The following COBL variants were observed in gnomAD, a reference collection of about 807,000 sequenced individuals.
COBL encodes cordon-bleu WH2 repeat protein.
Under a neutral mutation model 98.8 loss-of-function variants are expected in COBL, and 51 were observed. The ratio of observed to expected loss-of-function variants is 0.52; its 90% CI spans 0.41 to 0.65. The LOEUF (loss-of-function observed/expected upper bound fraction) is 0.65, where lower values mean the gene tolerates loss of function less well. COBL is among the 30% of genes least tolerant of loss of function. The pLI is 0.00. For missense variants in COBL, 1,617 were observed against 1,617.5 expected (o/e 1.00, Z 0.01); for synonymous variants, 634 against 651.7 (o/e 0.97, Z 0.41).
intron 6 of COBL, among the ~76,000 whole-genome samples, chr7:51,122,259 G>A (rs1312682387): frequency 6.6e-6 from 1 of 152,194 alleles, no homozygotes; most frequent in East Asian, 1.9e-4. Flanking sequence ...TCCTTTCTCT[G>A]CACACTGGCG....
intron 5 of COBL, among the ~76,000 whole-genome samples, chr7:51,138,012 A>G (rs913608144): frequency 7.9e-5 from 12 of 152,088 alleles, no homozygotes; most frequent in Admixed American, 3.9e-4. Context: ...TGTTTTCCTG[A>G]AAAAAAATTG....
chr7:51,094,904 T>C (rs891928254), intron 6 of COBL, among the ~76,000 whole-genome samples: 6 of 152,198 alleles, frequency 3.9e-5, no homozygotes, highest in African/African-American at 1.2e-4. Flanking sequence ...AAACAGCTTT[T>C]GTATGTTACT....
intron 2 of COBL, among the ~76,000 whole-genome samples, chr7:51,206,694 TAAAAG>T (rs1370261085): frequency 6.6e-6 from 1 of 152,076 alleles, no homozygotes; most frequent in Non-Finnish European, 1.5e-5. Flanking sequence ...TACACAGCCT[TAAAAG>T]AGAAGGAAAT....
chr7:51,181,647 A>G (rs965258790), intron 5 of COBL, among the ~76,000 whole-genome samples: 2 of 152,226 alleles, frequency 1.3e-5, no homozygotes, highest in African/African-American at 2.4e-5. Context: ...CTTGGCCCAG[A>G]TAAACTATCT....
chr7:51,289,097 C>T (rs1054243405), intron 1 of COBL, among the ~76,000 whole-genome samples: 1 of 152,178 alleles, frequency 6.6e-6, no homozygotes, highest in Non-Finnish European at 1.5e-5. Context: ...GCATGCCCAC[C>T]GCACTGGTGC....
At chr7:51,144,934 G>A (rs1784882015) in intron 5 of COBL, among the ~76,000 whole-genome samples, 1 of 152,242 alleles carries the variant, frequency 6.6e-6, no homozygotes, top group African/African-American at 2.4e-5. Context: ...CCACTCATCT[G>A]TTCATGGGCA....
Position 51,114,585 on chromosome 7 carries a change from G to A in COBL, c.957+21573C>T, listed in dbSNP as rs186591032. Among the ~76,000 whole-genome samples, 49 of 152,304 alleles carry A rather than the reference G, an allele frequency of 3.2e-4. 1 individual carries two copies. In the Middle Eastern group the frequency reaches 0.01, roughly 32 times the overall value. On this transcript the variant is annotated intron_variant, in intron 6 of 12. Coordinates refer to ENST00000265136, the MANE Select transcript of COBL (RefSeq NM_015198.5). ...AACCTGGAAGTTTTCTTACAGAAATGATGTATCTGCCATTCTCTGTCCTTG... is the reference window on the plus strand; with the variant it reads ...AACCTGGAAGTTTTCTTACAGAAATAATGTATCTGCCATTCTCTGTCCTTG...
chr7:51,151,778 G>C (rs1785584737), intron 5 of COBL, among the ~76,000 whole-genome samples: 1 of 152,192 alleles, frequency 6.6e-6, no homozygotes, highest in Non-Finnish European at 1.5e-5. Flanking sequence ...TCCTTGGTTA[G>C]GACAGAGCTT....
At chr7:51,284,630 C>A (rs1429511022) in intron 1 of COBL, among the ~76,000 whole-genome samples, 2 of 151,764 alleles carry the variant, frequency 1.3e-5, no homozygotes, top group Non-Finnish European at 2.9e-5. Context: ...AGTTCGAGAC[C>A]AGCCTGGCCA....
chr7:51,068,324 G>A (rs942755707), intron 7 of COBL, among the ~76,000 whole-genome samples: 4 of 152,136 alleles, frequency 2.6e-5, no homozygotes, highest in African/African-American at 9.7e-5. Context: ...AAAATGCTGC[G>A]ACCAGCTTTC....
chr7:51,092,681 T>C (rs375569173), intron 6 of COBL, among the ~76,000 whole-genome samples: 36 of 152,328 alleles, frequency 2.4e-4, no homozygotes, highest in African/African-American at 8.2e-4. Context: ...GTCAAAGCTA[T>C]TGACTACAAT....
chr7:51,313,229 T>C (rs182162624), intron 1 of COBL, among the ~76,000 whole-genome samples: 477 of 150,154 alleles, frequency 3.2e-3, no homozygotes, highest in Non-Finnish European at 5.8e-3. Flanking sequence ...CTTCCTATTA[T>C]GGTGTAGAGT....
chr7:51,076,359 C>T (rs552475637), intron 7 of COBL, among the ~76,000 whole-genome samples: 71 of 152,340 alleles, frequency 4.7e-4, no homozygotes, highest in Admixed American at 8.5e-4. Flanking sequence ...TCCAGTTCCA[C>T]GCCCTCTGCT....
At chr7:51,276,549 G>C (rs563094089) in intron 1 of COBL, among the ~76,000 whole-genome samples, 15 of 152,202 alleles carry the variant, frequency 9.9e-5, no homozygotes, top group African/African-American at 3.6e-4. Flanking sequence ...GTCATTTATC[G>C]TTCAAACCTT....
chr7:51,055,646 T>C (rs11766726), intron 7 of COBL, among the ~76,000 whole-genome samples: 140,484 of 152,288 alleles, frequency 0.92, 64,980 homozygotes, highest in Middle Eastern at 0.96. Context: ...GGCCCAGGGG[T>C]GCATGTTCCC....
chr7:51,292,991 A>C (rs1257812361), intron 1 of COBL, among the ~76,000 whole-genome samples: 1 of 152,250 alleles, frequency 6.6e-6, no homozygotes, highest in African/African-American at 2.4e-5. Context: ...GTGATGCGCC[A>C]AATCAAAAAG....
intron 1 of COBL, among the ~76,000 whole-genome samples, chr7:51,279,674 G>A (rs922540677): frequency 6.6e-6 from 1 of 152,148 alleles, no homozygotes; most frequent in African/African-American, 2.4e-5. Flanking sequence ...GTTCACCTGT[G>A]GTGTCGCACA....
chr7:51,204,591 C>T (rs374852939), intron 2 of COBL, among the ~76,000 whole-genome samples: 1 of 145,690 alleles, frequency 6.9e-6, no homozygotes. Flanking sequence ...CTCACTCTGT[C>T]GCCAGGCTGG....
intron 5 of COBL, among the ~76,000 whole-genome samples, chr7:51,174,983 A>G (rs1788234078): frequency 6.6e-6 from 1 of 152,166 alleles, no homozygotes; most frequent in African/African-American, 2.4e-5. Context: ...TCTTGGTACC[A>G]GCAACATATT....
Sources: allele counts gnomAD v4.1 joint callset (sites outside exome capture counted in the v4.1 genomes callset), GRCh38; gene constraint gnomAD v4.1.1; transcripts MANE v1.5; gene names NCBI Gene and HGNC (gene_info 2026-07-23, HGNC 2026-07-21).